CACNB4: variants seen among roughly 807,000 people sequenced by gnomAD.
CACNB4 encodes voltage-dependent L-type calcium channel subunit beta-4.
Under a neutral mutation model 71.2 loss-of-function variants are expected in CACNB4, and 32 were observed. That is an observed-to-expected ratio of 0.45 (90% confidence interval 0.34 to 0.60). The LOEUF (loss-of-function observed/expected upper bound fraction) is 0.60. CACNB4 is among the 20% of genes least tolerant of loss of function. The pLI is 0.01. For synonymous variants in CACNB4, 231 were observed against 236.9 expected, an observed-to-expected ratio of 0.97 and a Z score of 0.23; for missense variants, 464 against 647.9, an observed-to-expected ratio of 0.72 and a Z score of 3.08.
At chr2:152,052,197 G>A (rs1372031704) in intron 2 of CACNB4, among the ~76,000 whole-genome samples, 5 of 152,264 alleles carry the variant, frequency 3.3e-5, no homozygotes, top group Admixed American at 1.3e-4. Flanking sequence ...GCCTACAGGT[G>A]GGCAAAATCA....
At chr2:151,946,963 G>A (rs541138318) in intron 2 of CACNB4, among the ~76,000 whole-genome samples, 1 of 152,288 alleles carries the variant, frequency 6.6e-6, no homozygotes, top group African/African-American at 2.4e-5. Flanking sequence ...GGTGTCCTGT[G>A]CCATAAATCC....
chr2:152,042,119 G>T (rs776444805), intron 2 of CACNB4, among the ~76,000 whole-genome samples: 1 of 152,164 alleles, frequency 6.6e-6, no homozygotes, highest in Non-Finnish European at 1.5e-5. Flanking sequence ...AGTGCCTAGG[G>T]CCAGGTAAAT....
intron 2 of CACNB4, among the ~76,000 whole-genome samples, chr2:151,966,467 G>A (rs1286688336): frequency 6.6e-6 from 1 of 152,028 alleles, no homozygotes; most frequent in Non-Finnish European, 1.5e-5. Flanking sequence ...TTTTAGTACA[G>A]ATGGGGTTTC....
chr2:151,848,428 G>C (rs946473761), intron 12 of CACNB4, among the ~76,000 whole-genome samples: 3 of 152,202 alleles, frequency 2.0e-5, no homozygotes, highest in African/African-American at 4.8e-5. Context: ...AAATAGACAG[G>C]TAAATCCACA....
chr2:152,013,252 A>C (rs1260423881), intron 2 of CACNB4, among the ~76,000 whole-genome samples: 1 of 152,222 alleles, frequency 6.6e-6, no homozygotes, highest in East Asian at 1.9e-4. Context: ...TAAGTGGTAC[A>C]TGACTGTACA....
At chr2:151,870,696 C>A in intron 7 of CACNB4, 85 bp from the exon 8 acceptor site, 2 of 1,309,286 alleles carry the variant, frequency 1.5e-6, no homozygotes, top group Non-Finnish European at 1.1e-6. Flanking sequence ...TCATAATTCT[C>A]AGGTTGAACG....
chr2:151,944,782 ACT>A (rs1232026620), intron 2 of CACNB4, among the ~76,000 whole-genome samples: 1 of 152,164 alleles, frequency 6.6e-6, no homozygotes, highest in Non-Finnish European at 1.5e-5. Context: ...ACAGAGCAAG[ACT>A]CTGTTTCAAC....
At chr2:151,911,791 G>A (rs1208192659) in intron 2 of CACNB4, among the ~76,000 whole-genome samples, 1 of 152,072 alleles carries the variant, frequency 6.6e-6, no homozygotes, top group Admixed American at 6.6e-5. Context: ...ATTCAGCTGT[G>A]AATCCGTCTG....
chr2:151,845,732 G>A (rs147470082), intron 12 of CACNB4, among the ~76,000 whole-genome samples: 2 of 152,324 alleles, frequency 1.3e-5, no homozygotes, highest in African/African-American at 2.4e-5. Context: ...GCAACGCTGA[G>A]CTGTTTTCAA....
intron 2 of CACNB4, among the ~76,000 whole-genome samples, chr2:151,962,339 T>C (rs935481727): frequency 6.6e-6 from 1 of 152,188 alleles, no homozygotes; most frequent in Non-Finnish European, 1.5e-5. Flanking sequence ...TACCAATACC[T>C]TTTCATTTTA....
intron 2 of CACNB4, among the ~76,000 whole-genome samples, chr2:152,042,926 G>A (rs1315748099): frequency 2.0e-5 from 3 of 152,156 alleles, no homozygotes; most frequent in African/African-American, 4.8e-5. Context: ...CCAAGATGGA[G>A]AGGAGCGTGA....
intron 2 of CACNB4, among the ~76,000 whole-genome samples, chr2:151,990,810 C>G (rs1681665792): frequency 6.6e-6 from 1 of 152,160 alleles, no homozygotes; most frequent in Non-Finnish European, 1.5e-5. Context: ...TAGGCAGAGA[C>G]TCTCCCAAGG....
At chr2:151,925,179 G>T (rs939319000) in intron 2 of CACNB4, among the ~76,000 whole-genome samples, 3 of 152,168 alleles carry the variant, frequency 2.0e-5, no homozygotes, top group Non-Finnish European at 2.9e-5. Flanking sequence ...AATTGTTAAG[G>T]AAAGTTACCT....
intron 2 of CACNB4, among the ~76,000 whole-genome samples, chr2:151,898,477 A>T (rs1252991157): frequency 6.6e-6 from 1 of 152,240 alleles, no homozygotes; most frequent in Admixed American, 6.5e-5. Context: ...AATCCTAAAC[A>T]GGTGTGAAAA....
chr2:151,886,379 C>T (rs956662213), intron 2 of CACNB4, among the ~76,000 whole-genome samples: 3 of 152,220 alleles, frequency 2.0e-5, no homozygotes, highest in Admixed American at 1.3e-4. Flanking sequence ...TGAATACACA[C>T]TCCACTACTG....
chr2:151,910,143 G>GC (rs1553770673), intron 2 of CACNB4, among the ~76,000 whole-genome samples: 1 of 151,900 alleles, frequency 6.6e-6, no homozygotes, highest in Non-Finnish European at 1.5e-5. Context: ...GTGATGTTGT[G>GC]TTTTTTTTCA....
At chr2:152,049,485 T>C (rs1164488146) in intron 2 of CACNB4, among the ~76,000 whole-genome samples, 1 of 152,186 alleles carries the variant, frequency 6.6e-6, no homozygotes, top group Non-Finnish European at 1.5e-5. Context: ...ACAACCGTAT[T>C]TCTCCTTCTC....
At chr2:151,999,843 A>G (rs1049558125) in intron 2 of CACNB4, among the ~76,000 whole-genome samples, 1 of 152,144 alleles carries the variant, frequency 6.6e-6, no homozygotes, top group Non-Finnish European at 1.5e-5. Flanking sequence ...TGGCGGGGAG[A>G]GTCTGGCTAG....
At chr2:152,057,703 G>A (rs1047936395) in intron 2 of CACNB4, among the ~76,000 whole-genome samples, 1 of 152,106 alleles carries the variant, frequency 6.6e-6, no homozygotes, top group African/African-American at 2.4e-5. Flanking sequence ...AGAGGCATAT[G>A]CACACGCACA....
Sources: allele counts gnomAD v4.1 joint callset (sites outside exome capture counted in the v4.1 genomes callset), GRCh38; gene constraint gnomAD v4.1.1; transcripts MANE v1.5; gene names NCBI Gene and HGNC (gene_info 2026-07-23, HGNC 2026-07-21).